FNTA: variants seen among roughly 807,000 people sequenced by gnomAD.
The protein encoded by FNTA is farnesyltransferase, CAAX box, subunit alpha, also known as protein farnesyltransferase/geranylgeranyltransferase type-1 subunit alpha.
Under a neutral mutation model 55.2 loss-of-function variants are expected in FNTA, and 27 were observed. That is an observed-to-expected ratio of 0.49 (90% CI 0.36 to 0.67). The LOEUF (loss-of-function observed/expected upper bound fraction) is 0.67. FNTA is among the 30% of genes least tolerant of loss of function. The pLI is 0.00. For missense variants in FNTA, 422 were observed against 464.7 expected (o/e 0.91, Z 0.85); for synonymous variants, 176 against 170.7 (o/e 1.03, Z -0.24).
At chr8:43,083,079 C>G in intron 6 of FNTA, 39 bp from the exon 7 acceptor site, 1 of 1,227,758 alleles carries the variant, frequency 8.1e-7, no homozygotes, top group Non-Finnish European at 1.2e-6. Context: ...CATCATTGCA[C>G]TGTTCTTTTA....
chr8:43,071,428 T>C (rs757005913), intron 4 of FNTA, among the ~76,000 whole-genome samples: 6 of 151,914 alleles, frequency 3.9e-5, no homozygotes, highest in Non-Finnish European at 1.5e-5. Flanking sequence ...CCCAGCACTT[T>C]AGGAGGCTGA....
rs1810397454 is a variant in FNTA, at chr8:43,056,368, G to A, written c.22G>A (p.Gly8Arg). 12 of 1,457,214 alleles carry A rather than the reference G, an allele frequency of 8.2e-6. No individual in the cohort carries two copies. Among genetic ancestry groups the A allele is most frequent in the Non-Finnish European group, 1.1e-5 (12 of 1,108,788 alleles). The allele number at this position is 1,457,214 out of a possible 1,614,324, so 90.3% of individuals were successfully genotyped here. The change falls in exon 1 of 9, where the codon GGG (glycine) becomes AGG (arginine). Residue 8 changes from glycine (G) to arginine (R), a missense_variant. Physicochemically the swap from Gly to Arg is moderately radical, Grantham distance 125. Transcript: ENST00000302279. The stretch of plus-strand genomic sequence containing the variant: ...CGAGATGGCGGCCACCGAGGGGGTC[G>A]GGGAGGCTGCGCAAGGGGGCGAGCC... Reference protein sequence around the residue: MAATEGVGEAAQGGEPGQ... With the variant: MAATEGVREAAQGGEPGQ...
intron 1 of FNTA, chr8:43,057,246 A>G (rs771893301): frequency 3.9e-5 from 6 of 152,130 alleles, no homozygotes; most frequent in Non-Finnish European, 8.8e-5. Context: ...GGTAATGTTG[A>G]TTCCTAATTC....
At chr8:43,078,808 A>C (rs2130569251) in intron 6 of FNTA, 1 of 152,400 alleles carries the variant, frequency 6.6e-6, no homozygotes, top group East Asian at 1.9e-4. Flanking sequence ...GATAGGTCCA[A>C]AGCTAGGCCT....
At chr8:43,066,913 T>G (rs1035785312) in intron 3 of FNTA, among the ~76,000 whole-genome samples, 5 of 152,194 alleles carry the variant, frequency 3.3e-5, no homozygotes, top group Admixed American at 1.3e-4. Context: ...GAGTGTACAT[T>G]TAACTGCCAC....
chr8:43,078,427 A>G (rs1810958198), intron 6 of FNTA: 1 of 152,034 alleles, frequency 6.6e-6, no homozygotes, highest in Admixed American at 6.6e-5. Flanking sequence ...TCTTTCTAAC[A>G]GCATGTGCTC....
At chr8:43,078,214 TG>T (rs1008026853) in intron 6 of FNTA, 3 of 152,260 alleles carry the variant, frequency 2.0e-5, no homozygotes, top group African/African-American at 7.2e-5. Context: ...CACTCTGCTC[TG>T]GGCTTTTGTC....
intron 5 of FNTA, 31 bp downstream of exon 5, chr8:43,072,338 A>G: frequency 7.4e-7 from 1 of 1,353,316 alleles, no homozygotes; most frequent in Admixed American, 2.7e-5. Flanking sequence ...TGTTTTTCAG[A>G]TTTTTTTTTT....
intron 3 of FNTA, 148 bp from the exon 4 acceptor site, chr8:43,069,407 A>G (rs1417512981): frequency 1.7e-6 from 1 of 575,742 alleles, no homozygotes; most frequent in African/African-American, 1.9e-5. Flanking sequence ...AGCATGAGCC[A>G]CCGTGCTTGG....
In FNTA at chr8:43,084,700, T is replaced by C. The variant is rs750502617; in HGVS notation, c.846-10T>C. The C allele has an allele frequency of 1.9e-6, 3 of 1,572,972 alleles. No homozygotes were observed. Among genetic ancestry groups the C allele is most frequent in the Non-Finnish European group, 2.6e-6 (3 of 1,162,798 alleles). On this transcript the variant is annotated splice_polypyrimidine_tract_variant and intron_variant, in intron 7 of 8. Coordinates refer to ENST00000302279, the MANE Select transcript of FNTA (RefSeq NM_002027.3). ...AAAATCAAGTCTTTGTTTTTTGTTG[T>C]TGTTTACAGGATTTTGCAGGATCGT...
intron 2 of FNTA, among the ~76,000 whole-genome samples, chr8:43,062,184 T>C (rs1340925963): frequency 6.6e-6 from 1 of 151,564 alleles, no homozygotes; most frequent in Non-Finnish European, 1.5e-5. Context: ...TGTGTGTGTG[T>C]GTGTGTGTGT....
chr8:43,071,229 C>T (rs1810782934), intron 4 of FNTA, among the ~76,000 whole-genome samples: 1 of 152,060 alleles, frequency 6.6e-6, no homozygotes, highest in African/African-American at 2.4e-5. Context: ...GTATATAATT[C>T]AGTGTTTTTT....
chr8:43,077,590 C>A lies in FNTA; in HGVS notation c.782+226C>A, dbSNP rs575538114. ...TTGCTACTGGAGATTGGAAAGAAAT[C>A]TTAATGTTATGGGGTATTGTCTAAG... On this transcript the variant is annotated intron_variant, in intron 6 of 8. Transcript: ENST00000302279. 37 of 340,884 alleles carry A rather than the reference C, an allele frequency of 1.1e-4. No homozygotes were observed. In the East Asian group the frequency reaches 1.6e-3, roughly 15 times the overall value. The allele number at this position is 340,884 out of a possible 1,614,324, so 21.1% of individuals were successfully genotyped here.
intron 5 of FNTA, among the ~76,000 whole-genome samples, chr8:43,075,066 A>G (rs1029765796): frequency 3.3e-5 from 5 of 152,216 alleles, no homozygotes; most frequent in African/African-American, 1.2e-4. Flanking sequence ...TTATTTTTAT[A>G]ACTTCCATGA....
intron 5 of FNTA, among the ~76,000 whole-genome samples, chr8:43,074,678 A>G (rs1353097953): frequency 6.6e-6 from 1 of 152,168 alleles, no homozygotes; most frequent in Admixed American, 6.5e-5. Flanking sequence ...TTCATACTGT[A>G]TGGCTCCATT....
intron 3 of FNTA, among the ~76,000 whole-genome samples, chr8:43,069,124 T>G (rs1313238660): frequency 6.6e-6 from 1 of 151,982 alleles, no homozygotes; most frequent in Non-Finnish European, 1.5e-5. Flanking sequence ...ATTTTTTTTT[T>G]GGGTGGGGGT....
At chr8:43,076,161 A>G (rs1163045375) in intron 5 of FNTA, among the ~76,000 whole-genome samples, 1 of 151,948 alleles carries the variant, frequency 6.6e-6, no homozygotes, top group Non-Finnish European at 1.5e-5. Flanking sequence ...CTCTTGCCTC[A>G]GCCTCCCAAG....
At position 43,077,211 on chromosome 8, in the gene FNTA, T is replaced by C; in HGVS notation, c.634-5T>C. On this transcript the variant is annotated splice_region_variant and splice_polypyrimidine_tract_variant and intron_variant, in intron 5 of 8. Coordinates refer to ENST00000302279, the MANE Select transcript of FNTA (RefSeq NM_002027.3). The stretch of plus-strand genomic sequence containing the variant: ...TTGGATGATTTTTCTAAATTTTTCC[T>C]TTAGGAATTTAAACTTTGGGATAAT... 6.4e-7 allele frequency: 1 copy of C among 1,563,658 alleles called. No individual in the cohort carries two copies. Among genetic ancestry groups the C allele is most frequent in the Admixed American group, 2.0e-5 (1 of 50,756 alleles).
At chr8:43,070,373 A>C (rs895222465) in intron 4 of FNTA, 1 of 152,218 alleles carries the variant, frequency 6.6e-6, no homozygotes, top group African/African-American at 2.4e-5. Flanking sequence ...CCTGTTGATT[A>C]CAAGATTGTT....
Sources: allele counts gnomAD v4.1 joint callset (sites outside exome capture counted in the v4.1 genomes callset), GRCh38; gene constraint gnomAD v4.1.1; transcripts MANE v1.5; gene names NCBI Gene and HGNC (gene_info 2026-07-23, HGNC 2026-07-21).